Variants in TEAD3 observed in about 807,000 individuals in gnomAD.
TEAD3 encodes TEA domain transcription factor 3.
TEAD3 carries 15 observed loss-of-function variants against 55.6 expected under a neutral mutation model. The observed-to-expected ratio is 0.27, with a 90% CI of 0.18 to 0.42. The LOEUF (loss-of-function observed/expected upper bound fraction) is 0.42. Among genes scored for constraint, TEAD3 ranks in the 10% least tolerant of loss-of-function variants. The pLI, the probability that TEAD3 is intolerant of heterozygous loss-of-function variation, is 1.00. For synonymous variants in TEAD3, 210 were observed against 232.2 expected (o/e 0.90, Z 0.87); for missense variants, 407 against 576.8 (o/e 0.71, Z 3.01).
intron 6 of TEAD3, 48 bp downstream of exon 6, chr6:35,478,386 C>G: frequency 6.2e-7 from 1 of 1,613,596 alleles, no homozygotes; most frequent in Middle Eastern, 1.7e-4. Flanking sequence ...TAAAGCTCAT[C>G]CTTTACAGCA....
At chr6:35,480,859 G>T (rs1768252125) in intron 3 of TEAD3, among the ~76,000 whole-genome samples, 1 of 152,148 alleles carries the variant, frequency 6.6e-6, no homozygotes, top group African/African-American at 2.4e-5. Context: ...TTTCTCACTG[G>T]TGTCCTCAGA....
intron 1 of TEAD3, among the ~76,000 whole-genome samples, chr6:35,492,911 A>T (rs573052918): frequency 6.6e-6 from 1 of 152,216 alleles, no homozygotes; most frequent in East Asian, 1.9e-4. Context: ...TCCTGGTCCC[A>T]GGGTGGGAAT....
rs1424032515 is a variant in TEAD3 at position 35,480,393 on chromosome 6, C to A, written c.268-271G>T. ...TGGACACCTAGGGGCCGCCCCGCGCCCCGCCAGAGAGGAAAACATAGACAG... is the reference window on the plus strand; with the variant it reads ...TGGACACCTAGGGGCCGCCCCGCGCACCGCCAGAGAGGAAAACATAGACAG... On this transcript the variant is annotated intron_variant, in intron 3 of 12. Coordinates refer to ENST00000639578, the Ensembl canonical transcript of TEAD3. 1.2e-6 allele frequency: 2 copies of A among 1,613,350 alleles called. No individual in the cohort carries two copies. Among genetic ancestry groups the A allele is most frequent in the South Asian group, 1.1e-5 (1 of 90,934 alleles).
intron 7 of TEAD3, 61 bp downstream of exon 7, chr6:35,478,214 G>A (rs1453339396): frequency 9.4e-6 from 15 of 1,600,810 alleles, no homozygotes; most frequent in East Asian, 2.2e-5. Flanking sequence ...CCAAATGGGA[G>A]GGAAGCCCTG....
At position 35,486,389 on chromosome 6, in the gene TEAD3, C is replaced by T; in HGVS notation, c.202+72G>A. ...AGCGGCTGGCGGCCTCCGACGTCAC[C>T]AAACCGGTTGGGTGAGAGGGCAGAG... On this transcript the variant is annotated intron_variant, in intron 2 of 12. Coordinates refer to ENST00000639578, the Ensembl canonical transcript of TEAD3. This position sits in a 1 kb window ranked among gnomAD's most constrained non-coding sequence, Gnocchi z 7.3. 1 of 1,528,240 alleles carries T rather than the reference C, an allele frequency of 6.5e-7. No homozygotes were observed. The highest frequency in any genetic ancestry group is 8.8e-7 in the Non-Finnish European group (1 of 1,134,134). The allele number at this position is 1,528,240 out of a possible 1,614,324, so 94.7% of individuals were successfully genotyped here.
At chr6:35,476,706 G>C (rs1374105866) in intron 8 of TEAD3, among the ~76,000 whole-genome samples, 1 of 152,254 alleles carries the variant, frequency 6.6e-6, no homozygotes, top group Non-Finnish European at 1.5e-5. Context: ...CCACCATCTA[G>C]AAAGAGAAAG....
At chr6:35,477,163 A>G (rs915438100) in intron 8 of TEAD3, 148 bp downstream of exon 8, 2 of 777,996 alleles carry the variant, frequency 2.6e-6, no homozygotes, top group Non-Finnish European at 4.2e-6. Flanking sequence ...AACATTGTAC[A>G]AGGTAAAGGG....
chr6:35,478,012 A>G (rs888954376), intron 7 of TEAD3, among the ~76,000 whole-genome samples: 32 of 144,762 alleles, frequency 2.2e-4, no homozygotes, highest in African/African-American at 7.8e-4. Context: ...CACCACACCC[A>G]GCTAATTTTT....
At chr6:35,493,095 C>T (rs1768564269) in intron 1 of TEAD3, among the ~76,000 whole-genome samples, 1 of 152,186 alleles carries the variant, frequency 6.6e-6, no homozygotes, top group South Asian at 2.1e-4. Flanking sequence ...TCCTCTGCGC[C>T]CTTCCTCTCG....
rs577782764 is a variant in TEAD3, at chr6:35,482,807, C to T, written c.267+1753G>A. Among the ~76,000 whole-genome samples the T allele has an allele frequency of 8.5e-5, 13 of 152,212 alleles. No homozygotes were observed. In the South Asian group the frequency reaches 1.2e-3, roughly 15 times the overall value. ...AACAGTGACCTAGTGACCCTTGGCCCGTTCCCACTCTGACTAACAGGTTCC... is the reference window on the plus strand; with the variant it reads ...AACAGTGACCTAGTGACCCTTGGCCTGTTCCCACTCTGACTAACAGGTTCC... On this transcript the variant is annotated intron_variant, in intron 3 of 12. Transcript: ENST00000639578.
chr6:35,479,403 C>T, intron 4 of TEAD3, 87 bp from the exon 5 acceptor site: 1 of 1,543,178 alleles, frequency 6.5e-7, no homozygotes, highest in Non-Finnish European at 8.9e-7. Flanking sequence ...CTACCTCCAC[C>T]CAGTGCCCAT....
At chr6:35,476,272 A>G in intron 9 of TEAD3, 30 bp downstream of exon 9, 1 of 1,605,920 alleles carries the variant, frequency 6.2e-7, no homozygotes, top group Non-Finnish European at 8.5e-7. Context: ...CAATTGTGCA[A>G]AGCCTCACCC....
rs527407293 is a variant in TEAD3, at chr6:35,480,258, C to A, written c.268-136G>T. 25 of 1,596,824 alleles carry A rather than the reference C, an allele frequency of 1.6e-5. No homozygotes were observed. In the Admixed American group the frequency reaches 1.7e-4, roughly 11 times the overall value. On this transcript the variant is annotated intron_variant, in intron 3 of 12. Transcript: ENST00000639578. Reference sequence around the variant, plus strand: ...AGGCCTGAGCTATGCAGAGATAGCGCCGTGGGTGAGGGGCCCAGGAGGGCT... The same window carrying A: ...AGGCCTGAGCTATGCAGAGATAGCGACGTGGGTGAGGGGCCCAGGAGGGCT...
At chr6:35,493,692 C>A (rs1434217746) in intron 1 of TEAD3, among the ~76,000 whole-genome samples, 1 of 152,256 alleles carries the variant, frequency 6.6e-6, no homozygotes, top group Non-Finnish European at 1.5e-5. Flanking sequence ...TGCTGCGTCA[C>A]AACATGCAGG....
intron 1 of TEAD3, among the ~76,000 whole-genome samples, chr6:35,494,081 A>G (rs921176121): frequency 6.6e-6 from 1 of 152,200 alleles, no homozygotes; most frequent in Non-Finnish European, 1.5e-5. Flanking sequence ...GCATACACCC[A>G]GCCCTGCACA....
intron 1 of TEAD3, among the ~76,000 whole-genome samples, chr6:35,493,464 G>C (rs1048697287): frequency 2.0e-5 from 3 of 152,120 alleles, no homozygotes; most frequent in Non-Finnish European, 4.4e-5. Context: ...CACAGCGCCA[G>C]CATCAGTCAC....
In TEAD3 at chr6:35,486,794, G is replaced by A; in HGVS notation, c.-49-83C>T. 1 of 1,003,730 alleles carries A rather than the reference G, an allele frequency of 1.0e-6. No individual in the cohort carries two copies. Among genetic ancestry groups the A allele is most frequent in the Non-Finnish European group, 1.4e-6 (1 of 697,206 alleles). 62.2% of individuals were successfully genotyped at this position (1,003,730 alleles called of 1,614,324 possible). ...CTATCCCACAGCCGCTGGCTCTGGAGCTCCGCCCCCAGCCCCAAGCCCACC... is the reference window on the plus strand; with the variant it reads ...CTATCCCACAGCCGCTGGCTCTGGAACTCCGCCCCCAGCCCCAAGCCCACC... On this transcript the variant is annotated intron_variant, in intron 1 of 12. Coordinates refer to ENST00000639578, the Ensembl canonical transcript of TEAD3. This position sits in a 1 kb window ranked among gnomAD's most constrained non-coding sequence, Gnocchi z 7.3.
Position 35,491,354 on chromosome 6 carries a change from G to C in TEAD3, c.-49-4643C>G, listed in dbSNP as rs1768514846. Among the ~76,000 whole-genome samples, 1 of 151,982 alleles carries C rather than the reference G, an allele frequency of 6.6e-6. No individual in the cohort carries two copies. The highest frequency in any genetic ancestry group is 2.1e-4 in the South Asian group (1 of 4,812). On this transcript the variant is annotated intron_variant, in intron 1 of 12. Transcript: ENST00000639578. This position sits in a 1 kb window ranked among gnomAD's most constrained non-coding sequence, Gnocchi z 4.4. ...CCTAGAAAGAGACACACAGCAGAGA[G>C]GGGTAGACCAGAAACTCAGATATGA... is the stretch of plus-strand genomic sequence containing the variant.
chr6:35,494,683 G>A (rs1222705853), intron 1 of TEAD3, among the ~76,000 whole-genome samples: 1 of 152,148 alleles, frequency 6.6e-6, no homozygotes, highest in Non-Finnish European at 1.5e-5. Context: ...GGGAGGAGGA[G>A]GAGGGCAGGA....
Sources: allele counts gnomAD v4.1 joint callset (sites outside exome capture counted in the v4.1 genomes callset), GRCh38; gene constraint gnomAD v4.1.1; non-coding constraint Gnocchi (gnomAD v3.1); transcripts MANE v1.5; gene names NCBI Gene and HGNC (gene_info 2026-07-23, HGNC 2026-07-21).